The following TRIM55 variants were observed in gnomAD, a reference collection of about 807,000 sequenced individuals.
The protein encoded by TRIM55 is tripartite motif-containing protein 55.
In TRIM55, 50 loss-of-function variants were observed where a neutral mutation model predicts 60.9. The observed-to-expected ratio is 0.82, with a 90% CI of 0.65 to 1.04. The LOEUF (loss-of-function observed/expected upper bound fraction) is 1.04. Ranked by LOEUF, TRIM55 falls within the 50% of genes least tolerant of loss-of-function variation. TRIM55 has a pLI of 0.00. For synonymous variants in TRIM55, 237 were observed against 238.1 expected (o/e 1.00, Z 0.04); for missense variants, 681 against 666.9 (o/e 1.02, Z -0.23).
chr8:66,170,473 T>C (rs1811562598), intron 9 of TRIM55, among the ~76,000 whole-genome samples: 1 of 152,242 alleles, frequency 6.6e-6, no homozygotes, highest in South Asian at 2.1e-4. Flanking sequence ...TTGACATGTA[T>C]GTATGCATGA....
intron 9 of TRIM55, among the ~76,000 whole-genome samples, chr8:66,155,086 T>C (rs1810663444): frequency 6.6e-6 from 1 of 152,256 alleles, no homozygotes; most frequent in South Asian, 2.1e-4. Flanking sequence ...TCCATACTCA[T>C]GAGCATTCTT....
rs532639530 is a variant in TRIM55, at chr8:66,161,169, T to C, written c.1524+6835T>C. ...ATAGTTTCAGGTCTTAGATTTAAGA[T>C]GGATTTAAGATCCATCTTGAGTTGA... On this transcript the variant is annotated intron_variant, in intron 9 of 9. Coordinates refer to ENST00000315962, the MANE Select transcript of TRIM55 (RefSeq NM_184085.2). 1.7e-3 allele frequency among the ~76,000 whole-genome samples: 263 copies of C among 152,096 alleles called. 1 individual carries two copies. The highest frequency in any genetic ancestry group is 3.1e-3 in the Non-Finnish European group (207 of 67,862).
At chr8:66,151,980 T>A (rs888783594) in intron 7 of TRIM55, among the ~76,000 whole-genome samples, 1 of 152,202 alleles carries the variant, frequency 6.6e-6, no homozygotes, top group Non-Finnish European at 1.5e-5. Context: ...GGGCTTTGTA[T>A]GTTTTCTGAG....
intron 9 of TRIM55, among the ~76,000 whole-genome samples, 183 bp from the exon 10 acceptor site, chr8:66,174,288 G>T (rs1357213037): frequency 1.3e-5 from 2 of 151,566 alleles, no homozygotes; most frequent in East Asian, 3.9e-4. Flanking sequence ...ATGACTCTTG[G>T]CTGTAGCCAA....
intron 9 of TRIM55, among the ~76,000 whole-genome samples, chr8:66,162,314 A>G (rs1049377248): frequency 2.0e-5 from 3 of 152,174 alleles, no homozygotes; most frequent in African/African-American, 7.2e-5. Flanking sequence ...TATGTGGCAT[A>G]TCACATTTAT....
chr8:66,143,500 C>A (rs1368787332), intron 4 of TRIM55, among the ~76,000 whole-genome samples: 5 of 152,046 alleles, frequency 3.3e-5, no homozygotes, highest in African/African-American at 9.7e-5. Flanking sequence ...TGTACAAATA[C>A]AAACATACTA....
intron 9 of TRIM55, chr8:66,155,555 A>G (rs1308239643): frequency 4.0e-6 from 5 of 1,251,890 alleles, no homozygotes; most frequent in Non-Finnish European, 5.7e-6. Flanking sequence ...TGAAAAGTCC[A>G]TTGAAATAAT....
upstream of TRIM55, chr8:66,127,016 C>T (rs747054534): frequency 1.4e-5 from 5 of 367,136 alleles, no homozygotes; most frequent in Non-Finnish European, 2.5e-5. Flanking sequence ...TTGACTCCTG[C>T]TCTCCGTCAC....
At chr8:66,123,096 G>C (rs146411010), upstream of TRIM55, among the ~76,000 whole-genome samples, 1 of 152,216 alleles carries the variant, frequency 6.6e-6, no homozygotes, top group South Asian at 2.1e-4. Context: ...AAGGGCATTG[G>C]TCTTCACAAC....
chr8:66,124,641 C>A (rs528585468), upstream of TRIM55, among the ~76,000 whole-genome samples: 21 of 152,108 alleles, frequency 1.4e-4, no homozygotes, highest in African/African-American at 4.8e-4. Flanking sequence ...ATTGGTATCC[C>A]AAAATCATTA....
intron 2 of TRIM55, among the ~76,000 whole-genome samples, chr8:66,129,213 T>C (rs1809003716): frequency 6.6e-6 from 1 of 152,236 alleles, no homozygotes; most frequent in Non-Finnish European, 1.5e-5. Flanking sequence ...AGGCTTCTTA[T>C]TCACCAAACC....
At chr8:66,172,810 T>C (rs1811716445) in intron 9 of TRIM55, among the ~76,000 whole-genome samples, 2 of 152,244 alleles carry the variant, frequency 1.3e-5, no homozygotes, top group African/African-American at 4.8e-5. Context: ...GGCCACAAAA[T>C]GGACCTTGAT....
At chr8:66,134,487 G>C (rs1025601210) in intron 2 of TRIM55, among the ~76,000 whole-genome samples, 2 of 152,130 alleles carry the variant, frequency 1.3e-5, no homozygotes, top group East Asian at 1.9e-4. Flanking sequence ...GGGCGATCTA[G>C]CTACTCCTAA....
At chr8:66,135,965 A>G (rs1809459960) in intron 3 of TRIM55, among the ~76,000 whole-genome samples, 1 of 152,094 alleles carries the variant, frequency 6.6e-6, no homozygotes, top group African/African-American at 2.4e-5. Context: ...TCTTTCATTT[A>G]GAATCATCAG....
intron 7 of TRIM55, among the ~76,000 whole-genome samples, chr8:66,151,850 T>TA (rs1810439466): frequency 7.0e-6 from 1 of 142,718 alleles, no homozygotes; most frequent in African/African-American, 2.6e-5. Context: ...TCTCAAAAAA[T>TA]AATAAATAAA....
At chr8:66,156,377 A>C (rs1037238209) in intron 9 of TRIM55, among the ~76,000 whole-genome samples, 2 of 152,168 alleles carry the variant, frequency 1.3e-5, no homozygotes, top group Non-Finnish European at 2.9e-5. Flanking sequence ...CTTACCAGCT[A>C]TCAGGAATTA....
At chr8:66,152,186 C>T in intron 7 of TRIM55, 191 bp from the exon 8 acceptor site, 1 of 690,914 alleles carries the variant, frequency 1.4e-6, no homozygotes, top group Admixed American at 2.9e-5. Flanking sequence ...ATGGTTCCTT[C>T]ACATTTGTCC....
chr8:66,121,864 G>A, the TRIM55 span, among the ~76,000 whole-genome samples: 6 of 152,114 alleles, frequency 3.9e-5, no homozygotes, highest in East Asian at 1.2e-3. Context: ...TTATCAGCTG[G>A]TTTTCATGTC....
At chr8:66,159,395 A>T (rs1393935984) in intron 9 of TRIM55, among the ~76,000 whole-genome samples, 1 of 152,168 alleles carries the variant, frequency 6.6e-6, no homozygotes, top group Non-Finnish European at 1.5e-5. Context: ...CCCAAGTGGT[A>T]GTCTATTGTG....
Sources: gnomAD v4.1 joint callset for allele counts (sites outside exome capture counted in the v4.1 genomes callset) on GRCh38, gnomAD v4.1.1 for gene constraint, MANE v1.5 for transcripts, NCBI Gene and HGNC (gene_info 2026-07-23, HGNC 2026-07-21) for gene names.